CAMK1D: variants seen among roughly 807,000 people sequenced by gnomAD.
CAMK1D encodes the protein calcium/calmodulin-dependent protein kinase type 1D.
Under a neutral mutation model 47.7 loss-of-function variants are expected in CAMK1D, and 9 were observed. The observed-to-expected ratio is 0.19, with a 90% CI of 0.11 to 0.33. The LOEUF is 0.33. CAMK1D is among the 10% of genes least tolerant of loss of function. The pLI is 1.00. For synonymous variants in CAMK1D, 184 were observed against 184.9 expected (o/e 0.99, Z 0.04); for missense variants, 291 against 488.7 (o/e 0.60, Z 3.81).
At chr10:12,426,120 A>C (rs538758201) in intron 1 of CAMK1D, among the ~76,000 whole-genome samples, 10 of 152,286 alleles carry the variant, frequency 6.6e-5, no homozygotes, top group African/African-American at 2.4e-4. Flanking sequence ...TTCCTCTTTC[A>C]TGAGATGTCT....
chr10:12,602,428 C>T (rs969328431), intron 2 of CAMK1D, among the ~76,000 whole-genome samples: 1 of 152,192 alleles, frequency 6.6e-6, no homozygotes, highest in African/African-American at 2.4e-5. Context: ...AATCTCTCAC[C>T]GATGACTTTT....
chr10:12,410,795 G>A (rs758127272), intron 1 of CAMK1D, among the ~76,000 whole-genome samples: 3 of 152,104 alleles, frequency 2.0e-5, no homozygotes, highest in African/African-American at 7.2e-5. Flanking sequence ...TGCGACCTGA[G>A]CTTTGTGGAG....
intron 5 of CAMK1D, among the ~76,000 whole-genome samples, chr10:12,770,243 G>A (rs780757594): frequency 6.6e-6 from 1 of 152,198 alleles, no homozygotes; most frequent in African/African-American, 2.4e-5. Flanking sequence ...CCTTGACCAA[G>A]TCACTCTCAT....
intron 1 of CAMK1D, among the ~76,000 whole-genome samples, chr10:12,482,342 G>A (rs1379524396): frequency 6.6e-6 from 1 of 152,200 alleles, no homozygotes. Context: ...GGGTGGAGAT[G>A]TAGGGCCACT....
intron 3 of CAMK1D, among the ~76,000 whole-genome samples, chr10:12,726,902 A>G (rs570907156): frequency 3.3e-5 from 5 of 152,236 alleles, no homozygotes; most frequent in Admixed American, 2.6e-4. Flanking sequence ...CCAGGTGAGA[A>G]TTCATTTGAA....
intron 4 of CAMK1D, among the ~76,000 whole-genome samples, chr10:12,768,306 C>T (rs1333119898): frequency 6.6e-6 from 1 of 152,140 alleles, no homozygotes; most frequent in African/African-American, 2.4e-5. Flanking sequence ...GCGTAGTTCC[C>T]AGCTTGACTT....
chr10:12,478,268 A>G (rs1194264515), intron 1 of CAMK1D, among the ~76,000 whole-genome samples: 1 of 151,224 alleles, frequency 6.6e-6, no homozygotes, highest in Non-Finnish European at 1.5e-5. Context: ...TCGGCCTCCC[A>G]AAGTGCTGGG....
At chr10:12,658,332 G>A (rs927536591) in intron 2 of CAMK1D, among the ~76,000 whole-genome samples, 1 of 152,018 alleles carries the variant, frequency 6.6e-6, no homozygotes, top group Non-Finnish European at 1.5e-5. Flanking sequence ...TGGGGAGGGC[G>A]GGGTGTGCGA....
At position 12,615,510 on chromosome 10, in the gene CAMK1D, ATG is replaced by A. The variant is rs752014135; in HGVS notation, c.225-51218_225-51217del. Reference sequence around the variant, plus strand: ...TGTGTGCATGTGTACATGTATAGTTATGTGTGTGTATATCGGTGTGTGTGCAT... The same window carrying A: ...TGTGTGCATGTGTACATGTATAGTTATGTGTGTATATCGGTGTGTGTGCAT... On this transcript the variant is annotated intron_variant, in intron 2 of 10. Transcript: ENST00000619168. Among the ~76,000 whole-genome samples the A allele has an allele frequency of 1.2e-3, 171 of 142,706 alleles. 3 individuals are homozygous for A. Among genetic ancestry groups the A allele is most frequent in the Middle Eastern group, 4.1e-3 (1 of 246 alleles). The allele number at this position is 142,706 out of a possible 152,430, so 93.6% of individuals were successfully genotyped here.
chr10:12,561,100 A>G lies in CAMK1D; in HGVS notation c.224+7744A>G, dbSNP rs543681953. 3.3e-5 allele frequency among the ~76,000 whole-genome samples: 5 copies of G among 151,844 alleles called. No homozygotes were observed. The South Asian group carries it at 1.0e-3, about 32-fold the overall frequency. On this transcript the variant is annotated intron_variant, in intron 2 of 10. Transcript: ENST00000619168. ...GGCTAATTGTTTTGTATTTTTTTTA[A>G]TAGAGACAGGGTTTCACCGTGTTAG...
At chr10:12,561,594 G>T (rs1836946538) in intron 2 of CAMK1D, among the ~76,000 whole-genome samples, 3 of 152,146 alleles carry the variant, frequency 2.0e-5, no homozygotes, top group Admixed American at 1.3e-4. Context: ...TGCCTGGTTG[G>T]CAGTAAACTC....
At chr10:12,816,863 ACT>A (rs972462959) in intron 8 of CAMK1D, among the ~76,000 whole-genome samples, 2 of 139,488 alleles carry the variant, frequency 1.4e-5, no homozygotes, top group African/African-American at 2.8e-5. Flanking sequence ...CAAGAGCAAA[ACT>A]CTGTCTCAAA....
intron 2 of CAMK1D, among the ~76,000 whole-genome samples, chr10:12,660,202 G>A (rs966602933): frequency 6.6e-6 from 1 of 152,192 alleles, no homozygotes; most frequent in Non-Finnish European, 1.5e-5. Flanking sequence ...TAAAATGATC[G>A]AATGGAAAAA....
chr10:12,721,150 T>G (rs1323105352), intron 3 of CAMK1D, among the ~76,000 whole-genome samples: 2 of 152,236 alleles, frequency 1.3e-5, no homozygotes, highest in Non-Finnish European at 2.9e-5. Flanking sequence ...GGGGCTAATG[T>G]CTAGAGAAGC....
chr10:12,484,619 A>G (rs1834157530), intron 1 of CAMK1D, among the ~76,000 whole-genome samples: 1 of 152,068 alleles, frequency 6.6e-6, no homozygotes, highest in Non-Finnish European at 1.5e-5. Context: ...AGCTGCGGGG[A>G]GGGTGAGCTC....
chr10:12,685,605 GT>G (rs1832629751), intron 3 of CAMK1D, among the ~76,000 whole-genome samples: 1 of 152,158 alleles, frequency 6.6e-6, no homozygotes, highest in Admixed American at 6.5e-5. Flanking sequence ...TTCATCATCT[GT>G]TTCCAGGAAT....
At chr10:12,802,869 T>C (rs1838548880) in intron 6 of CAMK1D, among the ~76,000 whole-genome samples, 1 of 152,194 alleles carries the variant, frequency 6.6e-6, no homozygotes. Context: ...TGGCTCTGTT[T>C]CTAAAAGTAT....
chr10:12,824,343 C>A (rs1833121749), intron 8 of CAMK1D, 122 bp from the exon 9 acceptor site: 3 of 784,908 alleles, frequency 3.8e-6, no homozygotes, highest in Non-Finnish European at 6.4e-6. Context: ...GGGCAGCGGC[C>A]AGCCACCCTG....
intron 1 of CAMK1D, among the ~76,000 whole-genome samples, chr10:12,411,200 C>T (rs1057178329): frequency 5.3e-5 from 8 of 152,156 alleles, no homozygotes; most frequent in Admixed American, 1.3e-4. Flanking sequence ...TCGACTAGCC[C>T]GCTATGTCAT....
Sources: gnomAD v4.1 joint callset for allele counts (sites outside exome capture counted in the v4.1 genomes callset) on GRCh38, gnomAD v4.1.1 for gene constraint, MANE v1.5 for transcripts, NCBI Gene and HGNC (gene_info 2026-07-23, HGNC 2026-07-21) for gene names.